UBA2: variants seen among roughly 807,000 people sequenced by gnomAD.
UBA2 encodes the protein SUMO-activating enzyme subunit 2.
A neutral mutation model predicts 77.2 loss-of-function variants in UBA2; 11 were observed. The observed-to-expected ratio is 0.14, with a 90% CI of 0.09 to 0.24. The LOEUF (loss-of-function observed/expected upper bound fraction) is 0.24. Among genes scored for constraint, UBA2 ranks in the 10% least tolerant of loss-of-function variants. The probability of loss-of-function intolerance (pLI) is 1.00; values close to 1 mark genes in which losing one functional copy is unlikely to be tolerated. For missense variants in UBA2, 487 were observed against 781.7 expected (o/e 0.62, Z 4.50); for synonymous variants, 278 against 276.7 (o/e 1.00, Z -0.05).
At chr19:34,437,596 G>A (rs996368702) in intron 5 of UBA2, among the ~76,000 whole-genome samples, 12 of 151,992 alleles carry the variant, frequency 7.9e-5, no homozygotes, top group Non-Finnish European at 1.5e-4. Context: ...GGCAACGAGC[G>A]AAATTCCGTC....
chr19:34,443,332 A>C (rs2145515255), intron 6 of UBA2, among the ~76,000 whole-genome samples: 1 of 152,258 alleles, frequency 6.6e-6, no homozygotes, highest in South Asian at 2.1e-4. Context: ...GAATGGATGT[A>C]GGTCTGCTAA....
At position 34,450,249 on chromosome 19, in the gene UBA2, G is replaced by T; in HGVS notation, c.772-16G>T. 3.2e-6 allele frequency: 5 copies of T among 1,584,936 alleles called. No homozygotes were observed. Among genetic ancestry groups the T allele is most frequent in the Non-Finnish European group, 4.3e-6 (5 of 1,158,390 alleles). ...AGGGATTATGGGGTTCATGGGATCT[G>T]TCTTTCTTTTGTAAGCTTTTTAAAG... On this transcript the variant is annotated splice_polypyrimidine_tract_variant and intron_variant, in intron 8 of 16. Coordinates refer to ENST00000246548, the MANE Select transcript of UBA2 (RefSeq NM_005499.3).
At position 34,428,548 on chromosome 19, in the gene UBA2, C is replaced by T; in HGVS notation, c.116C>T (p.Thr39Ile). 2 of 1,307,540 alleles carry T rather than the reference C, an allele frequency of 1.5e-6. No individual in the cohort carries two copies. Among genetic ancestry groups the T allele is most frequent in the Admixed American group, 3.1e-5 (1 of 32,504 alleles). 81.0% of individuals were successfully genotyped at this position (1,307,540 alleles called of 1,614,324 possible). The change falls in exon 1 of 17, where the codon ACC becomes ATC. Residue 39 changes from threonine (T) to isoleucine (I), a missense_variant. Thr to Ile is a moderately conservative substitution (Grantham distance 89). Coordinates refer to ENST00000246548, the MANE Select transcript of UBA2 (RefSeq NM_005499.3). ...GAGCTCCTCAAGAATCTCGTGCTCA[C>T]CGGTTTCTCCCACATCGACCTGGTG... Reference protein sequence around the residue: ...GCELLKNLVLTGFSHIDLIDL... With the variant: ...GCELLKNLVLIGFSHIDLIDL...
chr19:34,468,993 C>T (rs1178561769), intron 16 of UBA2, 47 bp from the exon 17 acceptor site: 2 of 1,512,650 alleles, frequency 1.3e-6, no homozygotes, highest in East Asian at 4.6e-5. Flanking sequence ...GCACAGGTAA[C>T]TCCCACGCTT....
At chr19:34,464,637 A>C (rs990634211) in intron 15 of UBA2, among the ~76,000 whole-genome samples, 4 of 152,182 alleles carry the variant, frequency 2.6e-5, no homozygotes, top group Non-Finnish European at 5.9e-5. Context: ...GTGGTGGCTT[A>C]TCAGAAAGAC....
At chr19:34,456,100 CTTTTTCTTTTTT>C (rs1157428533) in intron 12 of UBA2, among the ~76,000 whole-genome samples, 3 of 55,800 alleles carry the variant, frequency 5.4e-5, no homozygotes, top group East Asian at 5.6e-4. Context: ...TTTTCCTTTT[CTTTTTCTTTTTT>C]TTTTTTTTTT....
At chr19:34,464,772 C>A (rs2075670205) in intron 15 of UBA2, among the ~76,000 whole-genome samples, 1 of 152,134 alleles carries the variant, frequency 6.6e-6, no homozygotes, top group Non-Finnish European at 1.5e-5. Context: ...TAAAACAAAT[C>A]ATTTCGTTTG....
chr19:34,433,816 G>A (rs781736251), intron 4 of UBA2, among the ~76,000 whole-genome samples: 1 of 152,108 alleles, frequency 6.6e-6, no homozygotes, highest in Non-Finnish European at 1.5e-5. Context: ...AAAATTAGCC[G>A]GTGTGGTGGC....
intron 9 of UBA2, among the ~76,000 whole-genome samples, chr19:34,451,622 A>C (rs1387545240): frequency 7.8e-6 from 1 of 128,872 alleles, no homozygotes; most frequent in Non-Finnish European, 1.5e-5. Flanking sequence ...ATCTTGGCTC[A>C]CTGCAAGCTC....
intron 5 of UBA2, among the ~76,000 whole-genome samples, chr19:34,438,072 A>G (rs959343003): frequency 2.0e-5 from 3 of 152,152 alleles, no homozygotes; most frequent in African/African-American, 2.4e-5. Context: ...AAAGAAACGT[A>G]TATCAATAAA....
chr19:34,465,196 G>T (rs2075674622), intron 15 of UBA2, among the ~76,000 whole-genome samples: 1 of 152,170 alleles, frequency 6.6e-6, no homozygotes, highest in Non-Finnish European at 1.5e-5. Flanking sequence ...TTTATGGGTA[G>T]CATCTAACAA....
rs752376577 is a variant in UBA2, at chr19:34,431,918, G to A, written c.280G>A (p.Asp94Asn). 1 of 1,612,496 alleles carries A rather than the reference G, an allele frequency of 6.2e-7. No homozygotes were observed. Among genetic ancestry groups the A allele is most frequent in the East Asian group, 2.2e-5 (1 of 44,770 alleles). ...GAAAGCTAATATCGTTGCCTACCAT[G>A]ACAGCATCATGAAGTATGCTATAGT... ...YPKANIVAYH[D>N]SIMNPDYNVE... The change falls in exon 3 of 17, where the codon GAC (aspartate) becomes AAC (asparagine). Residue 94 changes from aspartate to asparagine, a missense_variant. Transcript: ENST00000246548.
At chr19:34,455,418 A>G (rs542912624) in intron 12 of UBA2, among the ~76,000 whole-genome samples, 1 of 152,144 alleles carries the variant, frequency 6.6e-6, no homozygotes, top group East Asian at 1.9e-4. Flanking sequence ...GGCTAACACT[A>G]CTTGGATGTT....
intron 4 of UBA2, among the ~76,000 whole-genome samples, chr19:34,433,806 A>G (rs904783948): frequency 1.4e-4 from 22 of 152,138 alleles, no homozygotes; most frequent in Non-Finnish European, 1.0e-4. Flanking sequence ...AAAAAACACA[A>G]AAATTAGCCG....
intron 4 of UBA2, among the ~76,000 whole-genome samples, chr19:34,434,607 T>C (rs1049123971): frequency 2.0e-5 from 3 of 152,222 alleles, no homozygotes; most frequent in Non-Finnish European, 2.9e-5. Flanking sequence ...AAGAGAAATA[T>C]GGCACGTTGG....
At chr19:34,448,898 T>G (rs965050520) in intron 8 of UBA2, among the ~76,000 whole-genome samples, 10 of 152,050 alleles carry the variant, frequency 6.6e-5, no homozygotes, top group African/African-American at 2.4e-4. Flanking sequence ...GAGATGGAGC[T>G]TAGGCTTAGA....
At chr19:34,448,962 T>A (rs11671472) in intron 8 of UBA2, among the ~76,000 whole-genome samples, 2,061 of 152,316 alleles carry the variant, frequency 0.014, 17 homozygotes, top group Middle Eastern at 0.048. Flanking sequence ...CAGCCACATT[T>A]GTTACCCAAG....
At chr19:34,461,803 G>T (rs765468877) in intron 14 of UBA2, among the ~76,000 whole-genome samples, 1 of 151,696 alleles carries the variant, frequency 6.6e-6, no homozygotes, top group African/African-American at 2.4e-5. Flanking sequence ...ATTGAGCATC[G>T]TCCAAGGAAA....
At chr19:34,432,201 T>C (rs1323745764) in intron 3 of UBA2, among the ~76,000 whole-genome samples, 2 of 152,224 alleles carry the variant, frequency 1.3e-5, no homozygotes, top group East Asian at 3.8e-4. Flanking sequence ...TAAGAAGATA[T>C]TTTAAACTAT....
Sources: gnomAD v4.1 joint callset for allele counts (sites outside exome capture counted in the v4.1 genomes callset) on GRCh38, gnomAD v4.1.1 for gene constraint, MANE v1.5 for transcripts, NCBI Gene and HGNC (gene_info 2026-07-23, HGNC 2026-07-21) for gene names.